ULK4: variants seen among roughly 807,000 people sequenced by gnomAD.
The protein encoded by ULK4 is unc-51 like kinase 4, also known as inactive serine/threonine-protein kinase ULK4.
Under a neutral mutation model 160.6 loss-of-function variants are expected in ULK4, and 133 were observed. The ratio of observed to expected loss-of-function variants is 0.83; its 90% CI spans 0.72 to 0.96. ULK4 has a LOEUF of 0.96. Ranked by LOEUF, ULK4 falls within the 40% of genes least tolerant of loss-of-function variation. ULK4 has a pLI of 0.00. For synonymous variants in ULK4, 534 were observed against 539.8 expected (o/e 0.99, Z 0.15); for missense variants, 1,580 against 1,499.5 (o/e 1.05, Z -0.89).
At chr3:41,353,978 A>T (rs73831337) in intron 35 of ULK4, among the ~76,000 whole-genome samples, 5,925 of 152,106 alleles carry the variant, frequency 0.039, 304 homozygotes, top group East Asian at 0.19. Context: ...TGTCTCAGAG[A>T]CCCATGCTCT....
At chr3:41,831,533 T>TAAA (rs763838679) in intron 18 of ULK4, among the ~76,000 whole-genome samples, 17,761 of 125,250 alleles carry the variant, frequency 0.14, 1,372 homozygotes, top group Middle Eastern at 0.28. Flanking sequence ...ATATATATAT[T>TAAA]TTTTTTTCTT....
At chr3:41,911,758 A>G (rs935596680) in intron 9 of ULK4, 99 bp from the exon 10 acceptor site, 1 of 886,592 alleles carries the variant, frequency 1.1e-6, no homozygotes, top group Non-Finnish European at 1.8e-6. Flanking sequence ...TAAATTACAC[A>G]TGACATTTAG....
chr3:41,606,550 A>G (rs946762728), intron 31 of ULK4, among the ~76,000 whole-genome samples: 10 of 151,826 alleles, frequency 6.6e-5, no homozygotes, highest in Admixed American at 2.6e-4. Context: ...TCTTCATACC[A>G]TTTTCTATAA....
intron 25 of ULK4, among the ~76,000 whole-genome samples, chr3:41,710,568 C>T (rs967002024): frequency 6.6e-6 from 1 of 151,826 alleles, no homozygotes; most frequent in African/African-American, 2.4e-5. Context: ...CTGAGGCAGG[C>T]GGATCACTTG....
chr3:41,504,920 C>T lies in ULK4; in HGVS notation c.3227-41667G>A, dbSNP rs375426668. On this transcript the variant is annotated intron_variant, in intron 32 of 36. Coordinates refer to ENST00000301831, the MANE Select transcript of ULK4 (RefSeq NM_017886.4). ...AGAGAAACAAGCATATTCTCAATGA[C>T]ATCTATATACCAATATTAACTCTCA... Among the ~76,000 whole-genome samples, 8 of 152,212 alleles carry T rather than the reference C, an allele frequency of 5.3e-5. No homozygotes were observed. The East Asian group carries it at 1.4e-3, about 26-fold the overall frequency.
At chr3:41,598,685 A>G (rs1336041003) in intron 31 of ULK4, among the ~76,000 whole-genome samples, 1 of 149,740 alleles carries the variant, frequency 6.7e-6, no homozygotes, top group Admixed American at 6.6e-5. Context: ...CCCCACACAC[A>G]CACACGAGTT....
At chr3:41,562,304 G>A (rs1387718652) in intron 32 of ULK4, among the ~76,000 whole-genome samples, 4 of 152,358 alleles carry the variant, frequency 2.6e-5, no homozygotes, top group Non-Finnish European at 2.9e-5. Flanking sequence ...TTTAGAATAA[G>A]TGTGAGGTGG....
rs1304768355 is a variant in ULK4 at position 41,761,401 on chromosome 3, ATATATAT to A, written c.2194-6920_2194-6914del. On this transcript the variant is annotated intron_variant, in intron 21 of 36. Coordinates refer to ENST00000301831, the MANE Select transcript of ULK4 (RefSeq NM_017886.4). Reference sequence around the variant, plus strand: ...ATATTAGATTTATTATACATGCTATATATATATTATATATTATCTACCATTCACAACA... The same window carrying A: ...ATATTAGATTTATTATACATGCTATATATATATTATCTACCATTCACAACA... Among the ~76,000 whole-genome samples the A allele has an allele frequency of 3.4e-5, 5 of 149,022 alleles. No homozygotes were observed. In the South Asian group the frequency reaches 8.4e-4, roughly 25 times the overall value.
intron 35 of ULK4, among the ~76,000 whole-genome samples, chr3:41,349,483 GTC>G (rs1180410904): frequency 6.6e-6 from 1 of 152,144 alleles, no homozygotes; most frequent in Non-Finnish European, 1.5e-5. Flanking sequence ...TTATGCCTAA[GTC>G]TTCCTCAGGG....
intron 31 of ULK4, among the ~76,000 whole-genome samples, chr3:41,609,668 T>C (rs536687446): frequency 1.2e-4 from 18 of 152,316 alleles, no homozygotes; most frequent in African/African-American, 4.3e-4. Flanking sequence ...CATTTTGAAA[T>C]TTTAATCATA....
intron 14 of ULK4, 56 bp downstream of exon 14, chr3:41,898,376 T>C: frequency 9.3e-7 from 1 of 1,071,236 alleles, no homozygotes; most frequent in Non-Finnish European, 1.4e-6. Flanking sequence ...ATAAATTTCA[T>C]ATTTGTATCT....
At chr3:41,569,095 C>T (rs1348993598) in intron 31 of ULK4, among the ~76,000 whole-genome samples, 1 of 152,152 alleles carries the variant, frequency 6.6e-6, no homozygotes, top group Non-Finnish European at 1.5e-5. Context: ...CTGTGTCTTC[C>T]CCGGGCACAC....
At chr3:41,301,725 C>T (rs2079803734) in intron 35 of ULK4, among the ~76,000 whole-genome samples, 1 of 152,088 alleles carries the variant, frequency 6.6e-6, no homozygotes, top group Admixed American at 6.6e-5. Flanking sequence ...GCTGAATCAC[C>T]ATTTAATGCA....
intron 25 of ULK4, among the ~76,000 whole-genome samples, chr3:41,710,692 G>T (rs192690329): frequency 7.8e-4 from 119 of 152,092 alleles, no homozygotes; most frequent in Middle Eastern, 3.4e-3. Flanking sequence ...TACTTGGGAG[G>T]CTGAGGAATG....
intron 36 of ULK4, among the ~76,000 whole-genome samples, 157 bp from the exon 37 acceptor site, chr3:41,247,149 C>G (rs916523347): frequency 1.3e-5 from 2 of 152,220 alleles, no homozygotes; most frequent in Non-Finnish European, 2.9e-5. Flanking sequence ...GGCCCACAGT[C>G]CTGGTGGGGT....
intron 34 of ULK4, among the ~76,000 whole-genome samples, chr3:41,434,639 AT>A (rs1275781500): frequency 1.3e-5 from 2 of 152,212 alleles, no homozygotes; most frequent in Non-Finnish European, 2.9e-5. Flanking sequence ...GGAGAAAAAA[AT>A]GTAAGATACT....
chr3:41,881,119 G>A (rs190992132), intron 17 of ULK4, among the ~76,000 whole-genome samples: 149 of 152,112 alleles, frequency 9.8e-4, no homozygotes, highest in Non-Finnish European at 1.7e-3. Flanking sequence ...CAAGAGTTAT[G>A]AACCAAAGAT....
intron 27 of ULK4, among the ~76,000 whole-genome samples, chr3:41,683,689 T>G (rs1315297039): frequency 6.6e-6 from 1 of 152,012 alleles, no homozygotes; most frequent in Non-Finnish European, 1.5e-5. Context: ...AAGACACCCG[T>G]GTGGCACTGA....
At chr3:41,840,389 C>T (rs79511645) in intron 17 of ULK4, among the ~76,000 whole-genome samples, 10,914 of 152,230 alleles carry the variant, frequency 0.072, 1,229 homozygotes, top group African/African-American at 0.24. Flanking sequence ...CCCTCTCCCC[C>T]TTTCTTTCTT....
Sources: allele counts gnomAD v4.1 joint callset (sites outside exome capture counted in the v4.1 genomes callset), GRCh38; gene constraint gnomAD v4.1.1; transcripts MANE v1.5; gene names NCBI Gene and HGNC (gene_info 2026-07-23, HGNC 2026-07-21).